The following CMSS1 variants were observed in gnomAD, a reference collection of about 807,000 sequenced individuals.
CMSS1 encodes protein CMSS1.
Under a neutral mutation model 43.5 loss-of-function variants are expected in CMSS1, and 33 were observed. The observed-to-expected ratio is 0.76, with a 90% confidence interval of 0.57 to 1.01. CMSS1 has a LOEUF of 1.01. CMSS1 is among the 50% of genes least tolerant of loss of function. The pLI, the probability that CMSS1 is intolerant of heterozygous loss-of-function variation, is 0.00. For synonymous variants in CMSS1, 115 were observed against 117.2 expected (o/e 0.98, Z 0.12); for missense variants, 313 against 326.4 (o/e 0.96, Z 0.32).
At chr3:100,104,138 T>C (rs2066355675) in intron 1 of CMSS1, among the ~76,000 whole-genome samples, 2 of 152,126 alleles carry the variant, frequency 1.3e-5, no homozygotes, top group Non-Finnish European at 1.5e-5. Context: ...AGAGCACAGG[T>C]TACAATGAGA....
intron 1 of CMSS1, among the ~76,000 whole-genome samples, chr3:99,927,968 A>T (rs1342705252): frequency 6.6e-6 from 1 of 152,204 alleles, no homozygotes; most frequent in Non-Finnish European, 1.5e-5. Flanking sequence ...TAAGAATTAG[A>T]TAAATCACCT....
chr3:100,026,735 T>C (rs138249241), intron 1 of CMSS1, among the ~76,000 whole-genome samples: 237 of 152,306 alleles, frequency 1.6e-3, no homozygotes, highest in Middle Eastern at 3.4e-3. Flanking sequence ...TCTGTTGCAC[T>C]ACTGTGGTCC....
At chr3:99,888,779 C>G (rs756069089) in intron 1 of CMSS1, among the ~76,000 whole-genome samples, 21 of 152,150 alleles carry the variant, frequency 1.4e-4, no homozygotes, top group Admixed American at 9.8e-4. Flanking sequence ...TTTGTTGATT[C>G]ATTTTGATGT....
At chr3:100,043,099 T>C (rs2065230976) in intron 1 of CMSS1, among the ~76,000 whole-genome samples, 1 of 152,226 alleles carries the variant, frequency 6.6e-6, no homozygotes, top group South Asian at 2.1e-4. Flanking sequence ...GAATGTTTTT[T>C]GAATTATAAT....
At chr3:100,096,719 A>G (rs751651506) in intron 1 of CMSS1, among the ~76,000 whole-genome samples, 1 of 152,108 alleles carries the variant, frequency 6.6e-6, no homozygotes, top group South Asian at 2.1e-4. Context: ...CAGAGTGACT[A>G]CAGTCAAATT....
chr3:100,082,141 A>G (rs1288882568), intron 1 of CMSS1, among the ~76,000 whole-genome samples: 1 of 152,116 alleles, frequency 6.6e-6, no homozygotes, highest in East Asian at 1.9e-4. Context: ...TGCAAAATAC[A>G]AACAACTCTT....
At chr3:99,977,109 A>G (rs534156030) in intron 1 of CMSS1, among the ~76,000 whole-genome samples, 66 of 152,356 alleles carry the variant, frequency 4.3e-4, no homozygotes, top group African/African-American at 1.5e-3. Flanking sequence ...TCTTTTGGAT[A>G]GAACAGCACG....
At chr3:99,944,530 G>T (rs190117702) in intron 1 of CMSS1, among the ~76,000 whole-genome samples, 1 of 152,142 alleles carries the variant, frequency 6.6e-6, no homozygotes, top group African/African-American at 2.4e-5. Context: ...ACACTAAATC[G>T]TTAGGCACTG....
chr3:100,032,443 A>T (rs2065036601), intron 1 of CMSS1, among the ~76,000 whole-genome samples: 1 of 152,220 alleles, frequency 6.6e-6, no homozygotes, highest in Admixed American at 6.5e-5. Flanking sequence ...AGAACATTTT[A>T]TTCGGAATGG....
intron 1 of CMSS1, among the ~76,000 whole-genome samples, chr3:100,129,082 A>T (rs1373377282): frequency 2.6e-5 from 4 of 151,550 alleles, no homozygotes; most frequent in African/African-American, 9.7e-5. Context: ...TTCCCTTTAT[A>T]TTACCCCCTA....
intron 1 of CMSS1, among the ~76,000 whole-genome samples, chr3:100,045,583 G>A (rs903256087): frequency 1.5e-4 from 23 of 151,844 alleles, no homozygotes; most frequent in African/African-American, 5.6e-4. Context: ...ATCTTAAATG[G>A]GACATTTGGA....
intron 1 of CMSS1, among the ~76,000 whole-genome samples, chr3:100,031,037 A>G (rs960274212): frequency 6.6e-6 from 1 of 152,192 alleles, no homozygotes; most frequent in Non-Finnish European, 1.5e-5. Context: ...CTCTCTTCCT[A>G]ACATAAAATG....
At chr3:99,866,661 G>T (rs1944537583) in intron 1 of CMSS1, among the ~76,000 whole-genome samples, 1 of 152,158 alleles carries the variant, frequency 6.6e-6, no homozygotes, top group African/African-American at 2.4e-5. Context: ...TGTGTGGCTT[G>T]GCTTCCTGCT....
At chr3:99,824,820 C>A (rs1942507632) in intron 1 of CMSS1, among the ~76,000 whole-genome samples, 1 of 152,212 alleles carries the variant, frequency 6.6e-6, no homozygotes, top group Non-Finnish European at 1.5e-5. Context: ...GTAATTTTTA[C>A]TGGTGACAGC....
intron 1 of CMSS1, among the ~76,000 whole-genome samples, chr3:100,053,864 G>C: frequency 6.6e-6 from 1 of 152,180 alleles, no homozygotes; most frequent in East Asian, 1.9e-4. Flanking sequence ...CCTGGGGCCA[G>C]ATTTTGTTCT....
At chr3:99,897,955 C>T (rs1706312397) in intron 1 of CMSS1, among the ~76,000 whole-genome samples, 1 of 152,184 alleles carries the variant, frequency 6.6e-6, no homozygotes, top group Non-Finnish European at 1.5e-5. Flanking sequence ...TGAGAACCAA[C>T]TCTATTAAGA....
intron 1 of CMSS1, among the ~76,000 whole-genome samples, chr3:99,818,566 A>C (rs992285334): frequency 6.6e-6 from 1 of 152,262 alleles, no homozygotes; most frequent in African/African-American, 2.4e-5. Context: ...AGTGCTTGAC[A>C]TATAATGTGT....
intron 1 of CMSS1, among the ~76,000 whole-genome samples, chr3:100,067,818 G>A (rs1220194654): frequency 6.6e-6 from 1 of 152,084 alleles, no homozygotes; most frequent in African/African-American, 2.4e-5. Context: ...ATTTCAAAGA[G>A]GCTTTAATGG....
chr3:100,003,617 G>C (rs989884520), intron 1 of CMSS1, among the ~76,000 whole-genome samples: 1 of 152,016 alleles, frequency 6.6e-6, no homozygotes, highest in African/African-American at 2.4e-5. Flanking sequence ...TTTTTCCAGT[G>C]CATCACAAGT....
Sources: allele counts gnomAD v4.1 joint callset (sites outside exome capture counted in the v4.1 genomes callset), GRCh38; gene constraint gnomAD v4.1.1; transcripts MANE v1.5; gene names NCBI Gene and HGNC (gene_info 2026-07-23, HGNC 2026-07-21).